The following TRIO variants were observed in gnomAD, a reference collection of about 807,000 sequenced individuals.
TRIO encodes trio Rho guanine nucleotide exchange factor.
TRIO carries 58 observed loss-of-function variants against 351.9 expected under a neutral mutation model. The ratio of observed to expected loss-of-function variants is 0.16; its 90% CI spans 0.13 to 0.21. TRIO has a LOEUF of 0.21. Among genes scored for constraint, TRIO ranks in the 10% least tolerant of loss-of-function variants. TRIO has a pLI of 1.00. For synonymous variants in TRIO, 1,758 were observed against 1,595.7 expected, an observed-to-expected ratio of 1.10 and a Z score of -2.42; for missense variants, 3,201 against 4,027.8, an observed-to-expected ratio of 0.79 and a Z score of 5.56.
intron 1 of TRIO, among the ~76,000 whole-genome samples, chr5:14,191,534 T>TAAA (rs35519870): frequency 1.4e-4 from 19 of 135,232 alleles, no homozygotes; most frequent in African/African-American, 4.4e-4. Context: ...CCTGTTTCTT[T>TAAA]AAAAAAAAAA....
chr5:14,299,573 A>C (rs1328489024), intron 7 of TRIO, among the ~76,000 whole-genome samples: 2 of 152,188 alleles, frequency 1.3e-5, no homozygotes, highest in Admixed American at 1.3e-4. Context: ...TGAAATTCTG[A>C]TGCTCCTCAC....
chr5:14,181,981 C>G (rs1414114732), intron 1 of TRIO, among the ~76,000 whole-genome samples: 3 of 151,676 alleles, frequency 2.0e-5, no homozygotes, highest in African/African-American at 7.3e-5. Context: ...CTCCCCATCC[C>G]CATCCTCCCT....
At chr5:14,370,514 C>T (rs1305233550) in intron 18 of TRIO, among the ~76,000 whole-genome samples, 1 of 152,042 alleles carries the variant, frequency 6.6e-6, no homozygotes, top group African/African-American at 2.4e-5. Flanking sequence ...GCGTTCTCAC[C>T]TCTCTGACCA....
chr5:14,158,202 G>A (rs989516481), intron 1 of TRIO, among the ~76,000 whole-genome samples: 5 of 152,102 alleles, frequency 3.3e-5, no homozygotes, highest in Non-Finnish European at 7.4e-5. Context: ...CGAAGCATGC[G>A]GATCACGAGG....
At chr5:14,475,227 C>T (rs970497936) in intron 40 of TRIO, among the ~76,000 whole-genome samples, 1 of 152,194 alleles carries the variant, frequency 6.6e-6, no homozygotes, top group African/African-American at 2.4e-5. Flanking sequence ...GTTCCAGATG[C>T]ACTGTCTGCT....
In TRIO at chr5:14,487,930, C is replaced by T; in HGVS notation, c.7302C>T (p.Ala2434=). The T allele has an allele frequency of 1.9e-6, 3 of 1,540,460 alleles. No individual in the cohort carries two copies. The highest frequency in any genetic ancestry group is 2.6e-6 in the Non-Finnish European group (3 of 1,143,822). Reference sequence around the variant, plus strand: ...CGGGGTCGAGCCCAGACGCCCCCGCCAAGGACGCGCGCGCTAGCCTGGGCA... The same window carrying T: ...CGGGGTCGAGCCCAGACGCCCCCGCTAAGGACGCGCGCGCTAGCCTGGGCA... ...NASGSSPDAP[A]KDARASLGTL... The change falls in exon 48 of 57, where the codon GCC becomes GCT. Residue 2434 remains alanine, a synonymous_variant. Transcript: ENST00000344204.
Position 14,461,215 on chromosome 5 carries a change from CAAG to C in TRIO, c.5405_5407del (p.Lys1802del). On this transcript the variant is annotated inframe_deletion, in exon 35 of 57. Transcript: ENST00000344204. ...ACGTGAAGAAGCTGGCGCACAAGCA[CAAG>C]AAGAGCCGCGAGGTCCGCAAGAGCG... is the stretch of plus-strand genomic sequence containing the variant. The C allele has an allele frequency of 6.4e-7, 1 of 1,572,576 alleles. No homozygotes were observed. The highest frequency in any genetic ancestry group is 8.6e-7 in the Non-Finnish European group (1 of 1,159,900).
chr5:14,409,746 A>G (rs950019850), intron 33 of TRIO, among the ~76,000 whole-genome samples: 5 of 151,240 alleles, frequency 3.3e-5, no homozygotes, highest in Admixed American at 2.0e-4. Context: ...GAGGCAGGAG[A>G]ATGGCATGAA....
chr5:14,326,395 AG>A (rs1234412339), intron 9 of TRIO, among the ~76,000 whole-genome samples: 9 of 152,162 alleles, frequency 5.9e-5, no homozygotes, highest in Admixed American at 3.3e-4. Flanking sequence ...TTAGGTGCTG[AG>A]CGATGGTAGC....
intron 34 of TRIO, 123 bp downstream of exon 34, chr5:14,420,144 A>G (rs532926693): frequency 1.1e-5 from 16 of 1,432,168 alleles, no homozygotes; most frequent in South Asian, 6.9e-5. Context: ...CCTTCAGCAC[A>G]TGGTCACTGA....
At chr5:14,476,244 C>G (rs1308538239) in intron 40 of TRIO, among the ~76,000 whole-genome samples, 1 of 152,204 alleles carries the variant, frequency 6.6e-6, no homozygotes, top group Admixed American at 6.5e-5. Flanking sequence ...TTTGAAACAT[C>G]TATTTTTCAC....
intron 34 of TRIO, among the ~76,000 whole-genome samples, chr5:14,425,089 T>C (rs1366566746): frequency 6.6e-6 from 1 of 152,230 alleles, no homozygotes; most frequent in Non-Finnish European, 1.5e-5. Flanking sequence ...ATGTATCATC[T>C]TAACCATTCT....
At chr5:14,411,818 G>A (rs1002878729) in intron 33 of TRIO, among the ~76,000 whole-genome samples, 1 of 151,880 alleles carries the variant, frequency 6.6e-6, no homozygotes, top group African/African-American at 2.4e-5. Context: ...TGTTTCCCAG[G>A]CTGGCCTCAA....
chr5:14,413,038 T>A (rs1749333018), intron 33 of TRIO, among the ~76,000 whole-genome samples: 1 of 152,238 alleles, frequency 6.6e-6, no homozygotes, highest in Non-Finnish European at 1.5e-5. Context: ...TTTCTGTGTC[T>A]CCGTTATACA....
chr5:14,207,523 T>TACACACAC (rs113435385), intron 1 of TRIO, among the ~76,000 whole-genome samples: 2,079 of 52,854 alleles, frequency 0.039, 384 homozygotes, highest in Middle Eastern at 0.045. Context: ...ACTGTCTCTC[T>TACACACAC]ACACACACAC....
chr5:14,170,632 G>A (rs969809821), intron 1 of TRIO, among the ~76,000 whole-genome samples: 2 of 151,292 alleles, frequency 1.3e-5, no homozygotes, highest in African/African-American at 4.9e-5. Context: ...TCAGCCTCCC[G>A]AGTAGCTGGG....
At chr5:14,271,782 A>G (rs1231549480) in intron 2 of TRIO, among the ~76,000 whole-genome samples, 2 of 152,236 alleles carry the variant, frequency 1.3e-5, no homozygotes, top group Non-Finnish European at 2.9e-5. Context: ...TTGAACACAT[A>G]TCATTTTTAA....
intron 1 of TRIO, among the ~76,000 whole-genome samples, chr5:14,189,044 A>G (rs759996037): frequency 5.9e-5 from 9 of 152,368 alleles, no homozygotes; most frequent in Non-Finnish European, 1.2e-4. Context: ...AGGTTTGGCC[A>G]TGGCTCTCTC....
intron 41 of TRIO, 93 bp downstream of exon 41, chr5:14,477,056 T>C (rs892676869): frequency 3.3e-5 from 36 of 1,075,006 alleles, no homozygotes; most frequent in African/African-American, 4.8e-5. Context: ...TTATACTTTA[T>C]GTAAGTGCGT....
Sources: gnomAD v4.1 joint callset for allele counts (sites outside exome capture counted in the v4.1 genomes callset) on GRCh38, gnomAD v4.1.1 for gene constraint, MANE v1.5 for transcripts, NCBI Gene and HGNC (gene_info 2026-07-23, HGNC 2026-07-21) for gene names.